The following MYO1E variants were observed in gnomAD, a reference collection of about 807,000 sequenced individuals.
MYO1E encodes the protein myosin IE.
MYO1E carries 68 observed loss-of-function variants against 151.1 expected under a neutral mutation model. The observed-to-expected ratio is 0.45, with a 90% CI of 0.37 to 0.55. MYO1E has a LOEUF of 0.55. Ranked by LOEUF, MYO1E falls within the 20% of genes least tolerant of loss-of-function variation. The pLI, the probability that MYO1E is intolerant of heterozygous loss-of-function variation, is 0.00. For missense variants in MYO1E, 1,363 were observed against 1,389.3 expected (o/e 0.98, Z 0.30); for synonymous variants, 601 against 501.7 (o/e 1.20, Z -2.64).
intron 25 of MYO1E, among the ~76,000 whole-genome samples, chr15:59,156,254 A>C (rs1413455903): frequency 6.6e-6 from 1 of 152,168 alleles, no homozygotes; most frequent in African/African-American, 2.4e-5. Flanking sequence ...GTGTGATCTC[A>C]GCTCACTGCA....
At position 59,134,401 on chromosome 15, in the gene MYO1E, GC is replaced by G. The variant is rs2079360654; in HGVS notation, c.*2978del. ...AGACGGCCCTTTTGCATGTCTTTAA[GC>G]CAGTTGGCCAGGTACGGTGGCTCTT... On this transcript the variant is annotated 3_prime_UTR_variant, in exon 28 of 28. Transcript: ENST00000288235. 1 of 152,212 alleles carries G rather than the reference GC, an allele frequency of 6.6e-6. No homozygotes were observed. Among genetic ancestry groups the G allele is most frequent in the African/African-American group, 2.4e-5 (1 of 41,430 alleles). The allele number at this position is 152,212 out of a possible 1,614,324, so 9.4% of individuals were successfully genotyped here.
In MYO1E at chr15:59,137,347, T is replaced by G; in HGVS notation, c.*33A>C. On this transcript the variant is annotated 3_prime_UTR_variant, in exon 28 of 28. Coordinates refer to ENST00000288235, the MANE Select transcript of MYO1E (RefSeq NM_004998.4). ...CCCTCCCCTGGTCTGTGCCTGGAGC[T>G]CCTCTGCCCCATGTGTCAGAGTCAC... 2 of 1,588,726 alleles carry G rather than the reference T, an allele frequency of 1.3e-6. No individual in the cohort carries two copies. The highest frequency in any genetic ancestry group is 4.5e-5 in the East Asian group (2 of 44,736).
intron 22 of MYO1E, among the ~76,000 whole-genome samples, chr15:59,164,914 T>G (rs1249814184): frequency 1.1e-4 from 16 of 152,130 alleles, no homozygotes; most frequent in Admixed American, 1.0e-3. Context: ...GTGATTAAGT[T>G]ACAAGGAAGA....
intron 1 of MYO1E, among the ~76,000 whole-genome samples, chr15:59,283,524 G>C (rs1350461326): frequency 6.6e-6 from 1 of 152,118 alleles, no homozygotes; most frequent in Non-Finnish European, 1.5e-5. Context: ...TCACCATTCT[G>C]CCCCAAGACC....
In MYO1E at chr15:59,173,787, C is replaced by A; in HGVS notation, c.2293G>T (p.Asp765Tyr). 6.2e-7 allele frequency: 1 copy of A among 1,614,070 alleles called. No individual in the cohort carries two copies. The highest frequency in any genetic ancestry group is 8.5e-7 in the Non-Finnish European group (1 of 1,179,944). Residue 765 changes from aspartate to tyrosine, a missense_variant, in exon 21 of 28, where the codon GAT becomes TAT. Physicochemically the swap from Asp to Tyr is radical, Grantham distance 160. Transcript: ENST00000288235. ...QQFVGKREKI[D>Y]FADTVTKYDR... ...TACTTGGTGACTGTGTCTGCGAAAT[C>A]AATCTTCTCCCTCTTGCCCACGAAC...
intron 1 of MYO1E, among the ~76,000 whole-genome samples, chr15:59,316,321 T>C (rs2080588505): frequency 6.6e-6 from 1 of 152,190 alleles, no homozygotes; most frequent in African/African-American, 2.4e-5. Flanking sequence ...GCAGAGTGGA[T>C]GCCATTTTTC....
At chr15:59,222,780 T>C (rs1342647991) in intron 9 of MYO1E, among the ~76,000 whole-genome samples, 1 of 152,204 alleles carries the variant, frequency 6.6e-6, no homozygotes, top group African/African-American at 2.4e-5. Context: ...AACCAAGGTG[T>C]GAAATCCTCC....
chr15:59,250,056 G>A (rs546961825), intron 4 of MYO1E, among the ~76,000 whole-genome samples: 89 of 152,148 alleles, frequency 5.8e-4, no homozygotes, highest in Non-Finnish European at 1.1e-3. Context: ...TTTCCAATTT[G>A]CTTTCTCAAA....
intron 1 of MYO1E, among the ~76,000 whole-genome samples, chr15:59,353,369 A>AAAAAAAAAAAAG (rs1178465167): frequency 1.9e-4 from 18 of 96,854 alleles, no homozygotes; most frequent in African/African-American, 5.9e-4. Context: ...AAAAAAAAAA[A>AAAAAAAAAAAAG]AAAAGAAAAG....
intron 1 of MYO1E, among the ~76,000 whole-genome samples, chr15:59,329,312 T>C (rs2140422104): frequency 6.6e-6 from 1 of 152,252 alleles, no homozygotes; most frequent in South Asian, 2.1e-4. Flanking sequence ...CTATATTCAG[T>C]GTGAGAGTCA....
chr15:59,254,296 C>T (rs1185835395), intron 4 of MYO1E, among the ~76,000 whole-genome samples: 3 of 152,112 alleles, frequency 2.0e-5, no homozygotes, highest in Non-Finnish European at 4.4e-5. Context: ...CAAGCGATCT[C>T]CCTGCCTCAG....
chr15:59,151,029 ACACACACACACACACACACACG>A (rs1167088168), intron 26 of MYO1E, among the ~76,000 whole-genome samples: 4 of 133,822 alleles, frequency 3.0e-5, no homozygotes, highest in African/African-American at 1.3e-4. Flanking sequence ...ACACACACAC[ACACACACACACACACACACACG>A]CGCGCGCGCG....
chr15:59,265,936 C>T (rs905957990), intron 2 of MYO1E, among the ~76,000 whole-genome samples: 4 of 151,412 alleles, frequency 2.6e-5, no homozygotes, highest in Admixed American at 6.6e-5. Flanking sequence ...CATTGCTCTC[C>T]AGCTTAGGTG....
intron 1 of MYO1E, among the ~76,000 whole-genome samples, chr15:59,293,805 G>A (rs1388779478): frequency 6.6e-6 from 1 of 152,076 alleles, no homozygotes; most frequent in African/African-American, 2.4e-5. Flanking sequence ...CACTTTGAGA[G>A]GTTGAAGTGG....
chr15:59,189,070 A>T (rs1566974112), intron 17 of MYO1E, among the ~76,000 whole-genome samples: 2 of 151,702 alleles, frequency 1.3e-5, no homozygotes, highest in African/African-American at 4.8e-5. Flanking sequence ...TCTTACAAGA[A>T]TTTTTTTTTG....
chr15:59,145,015 G>T (rs2079433379), intron 26 of MYO1E, among the ~76,000 whole-genome samples: 1 of 151,966 alleles, frequency 6.6e-6, no homozygotes, highest in Non-Finnish European at 1.5e-5. Context: ...GGCTAATCTT[G>T]TATTTTTAGT....
chr15:59,155,773 G>C (rs1286624196), intron 25 of MYO1E, among the ~76,000 whole-genome samples: 2 of 150,918 alleles, frequency 1.3e-5, no homozygotes, highest in Non-Finnish European at 2.9e-5. Context: ...AAAGAGATGA[G>C]AATTAGTTTC....
At chr15:59,272,269 T>C (rs2080292885) in intron 2 of MYO1E, 37 bp downstream of exon 2, 1 of 1,609,962 alleles carries the variant, frequency 6.2e-7, no homozygotes, top group Non-Finnish European at 8.5e-7. Context: ...CACTGTAATA[T>C]CACTTAGAAA....
In MYO1E at chr15:59,138,360, T is replaced by C. The variant is rs773856184; in HGVS notation, c.3088A>G (p.Arg1030Gly). 9 of 1,613,980 alleles carry C rather than the reference T, an allele frequency of 5.6e-6. No homozygotes were observed. The highest frequency in any genetic ancestry group is 1.1e-5 in the South Asian group (1 of 91,076). ...GGGGGAGGCCGACTGGTTGTTTGTC[T>C]CCTGACCCTGTGGAGAGAGTGGAGC... The part of the protein sequence containing the change: ...VPDQGAAGVR[R>G]QTTSRPPPAG... Residue 1030 changes from arginine to glycine, a missense_variant, in exon 27 of 28, where the codon AGA (arginine) becomes GGA (glycine). Physicochemically the swap from Arg to Gly is moderately radical, Grantham distance 125. Coordinates refer to ENST00000288235, the MANE Select transcript of MYO1E (RefSeq NM_004998.4).
Sources: gnomAD v4.1 joint callset for allele counts (sites outside exome capture counted in the v4.1 genomes callset) on GRCh38, gnomAD v4.1.1 for gene constraint, MANE v1.5 for transcripts, NCBI Gene and HGNC (gene_info 2026-07-23, HGNC 2026-07-21) for gene names.